MMP9: variants seen among roughly 807,000 people sequenced by gnomAD.
MMP9 encodes the protein matrix metallopeptidase 9, also known as matrix metalloproteinase-9.
MMP9 carries 73 observed loss-of-function variants against 76.4 expected under a neutral mutation model. The ratio of observed to expected loss-of-function variants is 0.96; its 90% CI spans 0.79 to 1.16. MMP9 has a LOEUF of 1.16. Among genes scored for constraint, MMP9 ranks in the 50% most tolerant of loss-of-function variants. The pLI is 0.00. For synonymous variants in MMP9, 412 were observed against 408.4 expected (o/e 1.01, Z -0.11); for missense variants, 943 against 973.0 (o/e 0.97, Z 0.41).
Position 46,013,745 on chromosome 20 carries a change from C to T in MMP9, c.1699C>T (p.Leu567=). Residue 567 remains leucine (L), a synonymous_variant, in exon 10 of 13, where the codon CTG becomes TTG. Transcript: ENST00000372330. The surrounding 1 kb of genome is among the most constrained non-coding windows in gnomAD (Gnocchi z 4.5). ...CAAGTGGCCCGCGCTGCCCCGCAAGCTGGACTCGGTCTTTGAGGAGCGGCT... is the reference window on the plus strand; with the variant it reads ...CAAGTGGCCCGCGCTGCCCCGCAAGTTGGACTCGGTCTTTGAGGAGCGGCT... The part of the protein sequence containing the change: ...ADKWPALPRK[L]DSVFEERLSK... 1 of 1,613,768 alleles carries T rather than the reference C, an allele frequency of 6.2e-7. No homozygotes were observed. The highest frequency in any genetic ancestry group is 8.5e-7 in the Non-Finnish European group (1 of 1,179,998).
At chr20:46,010,721 G>T (rs2084273277) in intron 3 of MMP9, 90 bp downstream of exon 3, 4 of 1,545,666 alleles carry the variant, frequency 2.6e-6, no homozygotes, top group African/African-American at 2.7e-5. Context: ...AGTGGCCCCG[G>T]CTTCCTCTTG....
chr20:46,012,038 C>T, intron 6 of MMP9, 99 bp from the exon 7 acceptor site: 4 of 1,494,374 alleles, frequency 2.7e-6, no homozygotes, highest in Non-Finnish European at 3.6e-6. Flanking sequence ...CTACAGCGCC[C>T]CCTAGGCCAC....
intron 12 of MMP9, 94 bp from the exon 13 acceptor site, chr20:46,016,156 A>G (rs1184590728): frequency 1.4e-5 from 17 of 1,198,010 alleles, no homozygotes; most frequent in Non-Finnish European, 2.1e-5. Context: ...AGTTCTAGAA[A>G]TGGCAGAAGA....
At chr20:46,011,116 T>A (rs1444628512) in intron 4 of MMP9, 27 bp from the exon 5 acceptor site, 1 of 1,613,894 alleles carries the variant, frequency 6.2e-7, no homozygotes, top group African/African-American at 1.3e-5. Flanking sequence ...CCCGCCGCCC[T>A]AACTCCGGTC....
rs573298760 is a variant in MMP9, at chr20:46,010,333, A to C, written c.372-150A>C. 6.8e-4 allele frequency: 561 copies of C among 828,738 alleles called. 30 individuals are homozygous for C. The highest frequency in any genetic ancestry group is 1.4e-3 in the African/African-American group (63 of 46,496). The allele number at this position is 828,738 out of a possible 1,614,324, so 51.3% of individuals were successfully genotyped here. ...GGGTCTAAGTAGACAAAAAAAAAAA[A>C]AAAAAAAACAGTCTGGAAGCAATTT... On this transcript the variant is annotated intron_variant, in intron 2 of 12. Transcript: ENST00000372330.
At position 46,016,508 on chromosome 20, in the gene MMP9, C is replaced by A; in HGVS notation, c.*140C>A. 1.4e-6 allele frequency: 1 copy of A among 733,696 alleles called. No homozygotes were observed. Among genetic ancestry groups the A allele is most frequent in the Non-Finnish European group, 2.5e-6 (1 of 407,856 alleles). 45.4% of individuals were successfully genotyped at this position (733,696 alleles called of 1,614,324 possible). A position where few individuals can be genotyped will look rare whatever the true frequency, so the allele number is the denominator to read the frequency against. On this transcript the variant is annotated 3_prime_UTR_variant, in exon 13 of 13. Transcript: ENST00000372330. ...GGAGGTGGGCTGGGCCCTCTCTTCT[C>A]ACCTTTGTTTTTTGTTGGAGTGTTT...
In MMP9 at chr20:46,010,025, G is replaced by T. The variant is rs1319751051; in HGVS notation, c.298G>T (p.Gly100Trp). 3 of 1,551,436 alleles carry T rather than the reference G, an allele frequency of 1.9e-6. No individual in the cohort carries two copies. The change falls in exon 2 of 13, where the codon GGG becomes TGG. Residue 100 changes from glycine (G) to tryptophan (W), a missense_variant. By Grantham distance (184) the Gly-to-Trp change is radical. Coordinates refer to ENST00000372330, the MANE Select transcript of MMP9 (RefSeq NM_004994.3). ...GAAGGCCATGCGAACCCCACGGTGC[G>T]GGGTCCCAGACCTGGGCAGATTCCA... ...TLKAMRTPRC[G>W]VPDLGRFQTF...
At chr20:46,012,625 GGCTGT>G in intron 8 of MMP9, 43 bp downstream of exon 8, 1 of 1,610,286 alleles carries the variant, frequency 6.2e-7, no homozygotes, top group Non-Finnish European at 8.5e-7. Context: ...GAAAGGGCGT[GGCTGT>G]GCCACAGTAC....
rs888531740 is a variant in MMP9, at chr20:46,011,568, C to G, written c.824-6C>G. 16 of 1,613,972 alleles carry G rather than the reference C, an allele frequency of 9.9e-6. No homozygotes were observed. The highest frequency in any genetic ancestry group is 1.4e-5 in the Non-Finnish European group (16 of 1,179,998). On this transcript the variant is annotated splice_region_variant and splice_polypyrimidine_tract_variant and intron_variant, in intron 5 of 12. Coordinates refer to ENST00000372330, the MANE Select transcript of MMP9 (RefSeq NM_004994.3). Reference sequence around the variant, plus strand: ...CTCCCCCTTTCCCACATCCTCCTCGCCCCAGGACTCTACACCCAGGACGGC... The same window carrying G: ...CTCCCCCTTTCCCACATCCTCCTCGGCCCAGGACTCTACACCCAGGACGGC...
At chr20:46,011,866 C>A (rs1199967683) in intron 6 of MMP9, 119 bp downstream of exon 6, 4 of 1,263,330 alleles carry the variant, frequency 3.2e-6, no homozygotes, top group Non-Finnish European at 3.3e-6. Context: ...TCAGGACGAC[C>A]GTGACTCCGC....
At chr20:46,012,094 G>A (rs772843484) in intron 6 of MMP9, 43 bp from the exon 7 acceptor site, 10 of 1,608,170 alleles carry the variant, frequency 6.2e-6, no homozygotes, top group Middle Eastern at 1.6e-4. Context: ...ACTCCTTATT[G>A]GACTCATCCA....
chr20:46,009,782 G>C, intron 1 of MMP9, 84 bp from the exon 2 acceptor site: 1 of 1,139,294 alleles, frequency 8.8e-7, no homozygotes, highest in Non-Finnish European at 1.3e-6. Flanking sequence ...CTCCCTCCAT[G>C]AGTGTCTGGA....
rs765092423 is a variant in MMP9 at position 46,011,146 on chromosome 20, T to C, written c.653T>C (p.Val218Ala). The change falls in exon 5 of 13, where the codon GTT (valine) becomes GCT (alanine). Residue 218 changes from valine to alanine, a missense_variant. Coordinates refer to ENST00000372330, the MANE Select transcript of MMP9 (RefSeq NM_004994.3). ...CCGGTCCCCCCTCCTCCTGCAGTGG[T>C]TCCAACTCGGTTTGGAAACGCAGAT... ...ELWSLGKGVV[V>A]PTRFGNADGA... 1.9e-6 allele frequency: 3 copies of C among 1,614,088 alleles called. No individual in the cohort carries two copies. Among genetic ancestry groups the C allele is most frequent in the Admixed American group, 3.3e-5 (2 of 60,022 alleles).
At chr20:46,010,330 A>AAAACAAAAAAAACC (rs1555856939) in intron 2 of MMP9, among the ~76,000 whole-genome samples, 153 bp from the exon 3 acceptor site, 2 of 101,928 alleles carry the variant, frequency 2.0e-5, no homozygotes, top group Non-Finnish European at 2.1e-5. Flanking sequence ...ACAAAAAAAA[A>AAAACAAAAAAAACC]AAAAAAAAAA....
Position 46,011,646 on chromosome 20 carries a change from A to G in MMP9, c.896A>G (p.Tyr299Cys). The change falls in exon 6 of 13, where the codon TAC (tyrosine) becomes TGC (cysteine). Residue 299 changes from tyrosine to cysteine, a missense_variant. By Grantham distance (194) the Tyr-to-Cys change is radical. Coordinates refer to ENST00000372330, the MANE Select transcript of MMP9 (RefSeq NM_004994.3). Reference sequence around the variant, plus strand: ...CCATTCATCTTCCAAGGCCAATCCTACTCCGCCTGCACCACGGACGGTCGC... The same window carrying G: ...CCATTCATCTTCCAAGGCCAATCCTGCTCCGCCTGCACCACGGACGGTCGC... ...QFPFIFQGQSYSACTTDGRSD... is the reference protein window; with the variant it reads ...QFPFIFQGQSCSACTTDGRSD... 1 of 1,613,224 alleles carries G rather than the reference A, an allele frequency of 6.2e-7. No homozygotes were observed.
rs200419066 is a variant in MMP9, at chr20:46,014,389, G to A, written c.1920G>A (p.Gln640=). The change falls in exon 12 of 13, where the codon CAG becomes CAA. Residue 640 remains glutamine, a synonymous_variant. Coordinates refer to ENST00000372330, the MANE Select transcript of MMP9 (RefSeq NM_004994.3). The stretch of plus-strand genomic sequence containing the variant: ...CCCGCAGGTTCGACGTGAAGGCGCA[G>A]ATGGTGGATCCCCGGAGCGCCAGCG... ...RRLWRFDVKA[Q]MVDPRSASEV... The A allele has an allele frequency of 1.3e-6, 2 of 1,549,024 alleles. No homozygotes were observed. The highest frequency in any genetic ancestry group is 8.7e-7 in the Non-Finnish European group (1 of 1,146,992).
At position 46,014,083 on chromosome 20, in the gene MMP9, C is replaced by T. The variant is rs1388879754; in HGVS notation, c.1751-41C>T. On this transcript the variant is annotated intron_variant, in intron 10 of 12. Coordinates refer to ENST00000372330, the MANE Select transcript of MMP9 (RefSeq NM_004994.3). ...CCTCGCGTTCTAGGAGTACGTGCTC[C>T]CTCTGCGCCCCCAAACCGACGTGAC... 8 of 1,533,616 alleles carry T rather than the reference C, an allele frequency of 5.2e-6. No individual in the cohort carries two copies. In the South Asian group the frequency reaches 9.5e-5, roughly 18 times the overall value.
chr20:46,013,653 T>G lies in MMP9; in HGVS notation c.1611-4T>G. 1.2e-6 allele frequency: 2 copies of G among 1,614,086 alleles called. No individual in the cohort carries two copies. The highest frequency in any genetic ancestry group is 1.7e-6 in the Non-Finnish European group (2 of 1,180,006). ...GCCCGTCCTTTCCCTCCTCGCTTTC[T>G]CAGGAAGTACTGGCGATTCTCTGAG... On this transcript the variant is annotated splice_region_variant and splice_polypyrimidine_tract_variant and intron_variant, in intron 9 of 12. Transcript: ENST00000372330. This position sits in a 1 kb window ranked among gnomAD's most constrained non-coding sequence, Gnocchi z 4.5.
In MMP9 at chr20:46,011,610, C is replaced by G. The variant is rs761471689; in HGVS notation, c.860C>G (p.Pro287Arg). The part of the protein sequence containing the change: ...YTQDGNADGK[P>R]CQFPFIFQGQ... ...CAGGACGGCAATGCTGATGGGAAAC[C>G]CTGCCAGTTTCCATTCATCTTCCAA... Residue 287 changes from proline (P) to arginine (R), a missense_variant, in exon 6 of 13, where the codon CCC becomes CGC. Pro to Arg is a moderately radical substitution (Grantham distance 103). Coordinates refer to ENST00000372330, the MANE Select transcript of MMP9 (RefSeq NM_004994.3). 6.2e-7 allele frequency: 1 copy of G among 1,613,900 alleles called. No homozygotes were observed. The highest frequency in any genetic ancestry group is 1.7e-5 in the Admixed American group (1 of 60,000).
Sources: allele counts gnomAD v4.1 joint callset (sites outside exome capture counted in the v4.1 genomes callset), GRCh38; gene constraint gnomAD v4.1.1; non-coding constraint Gnocchi (gnomAD v3.1); transcripts MANE v1.5; gene names NCBI Gene and HGNC (gene_info 2026-07-23, HGNC 2026-07-21).